Variants in DNAH8 observed in about 807,000 individuals in gnomAD.
The protein encoded by DNAH8 is axonemal beta dynein heavy chain 8.
DNAH8 carries 382 observed loss-of-function variants against 562.1 expected under a neutral mutation model. The ratio of observed to expected loss-of-function variants is 0.68; its 90% CI spans 0.63 to 0.74. The LOEUF is 0.74. Ranked by LOEUF, DNAH8 falls within the 30% of genes least tolerant of loss-of-function variation. The pLI is 0.00. For missense variants in DNAH8, 5,203 were observed against 5,620.4 expected (o/e 0.93, Z 2.37); for synonymous variants, 1,881 against 1,919.4 (o/e 0.98, Z 0.52).
intron 56 of DNAH8, among the ~76,000 whole-genome samples, chr6:38,885,914 T>C (rs971590112): frequency 1.3e-5 from 2 of 152,200 alleles, no homozygotes; most frequent in Non-Finnish European, 2.9e-5. Context: ...AATGTGTGCT[T>C]CATGAGGACA....
chr6:38,885,375 C>T (rs115015490), intron 56 of DNAH8, among the ~76,000 whole-genome samples: 2,331 of 152,248 alleles, frequency 0.015, 32 homozygotes, highest in Non-Finnish European at 0.024. Flanking sequence ...ACTGCTACCA[C>T]CTGGCGCCAC....
intron 79 of DNAH8, among the ~76,000 whole-genome samples, chr6:38,942,275 G>T (rs1378699741): frequency 6.6e-6 from 1 of 152,194 alleles, no homozygotes; most frequent in Non-Finnish European, 1.5e-5. Flanking sequence ...TGGTGAGCTG[G>T]CTTTGCTTCC....
At chr6:38,750,673 A>G in intron 9 of DNAH8, 84 bp downstream of exon 9, 1 of 831,920 alleles carries the variant, frequency 1.2e-6, no homozygotes, top group Non-Finnish European at 1.9e-6. Flanking sequence ...GCTGAGGTGG[A>G]AGGATCGCTT....
chr6:38,924,885 A>G (rs1311417947), intron 73 of DNAH8: 1 of 152,190 alleles, frequency 6.6e-6, no homozygotes, highest in Non-Finnish European at 1.5e-5. Context: ...TGGTGACCCT[A>G]AGTAATAGCA....
At chr6:38,773,403 T>G (rs892966824) in intron 12 of DNAH8, among the ~76,000 whole-genome samples, 1 of 152,212 alleles carries the variant, frequency 6.6e-6, no homozygotes, top group East Asian at 1.9e-4. Flanking sequence ...ATCTGTGAAA[T>G]AGCAGCCCAG....
At chr6:38,826,474 T>A in intron 29 of DNAH8, 83 bp downstream of exon 29, 1 of 851,730 alleles carries the variant, frequency 1.2e-6, no homozygotes, top group Non-Finnish European at 1.9e-6. Flanking sequence ...AGTGATTCTT[T>A]AACATATTCA....
At chr6:38,761,633 T>C (rs1330199797) in intron 10 of DNAH8, 69 bp from the exon 11 acceptor site, 1 of 932,672 alleles carries the variant, frequency 1.1e-6, no homozygotes, top group Non-Finnish European at 1.5e-6. Context: ...ATGCTTGTGG[T>C]TTGAAATTTA....
intron 92 of DNAH8, among the ~76,000 whole-genome samples, chr6:39,028,191 A>G (rs992350969): frequency 1.3e-5 from 2 of 152,340 alleles, no homozygotes; most frequent in South Asian, 4.1e-4. Context: ...AATACCTTCC[A>G]CATCTGTAGG....
intron 81 of DNAH8, 61 bp from the exon 82 acceptor site, chr6:38,951,257 T>A (rs750388814): frequency 1.4e-4 from 204 of 1,418,922 alleles, no homozygotes; most frequent in Non-Finnish European, 1.9e-4. Context: ...TTTTACTTAC[T>A]CAGATAGGAT....
chr6:38,860,640 C>T lies in DNAH8; in HGVS notation c.6131+11C>T. The T allele has an allele frequency of 6.8e-7, 1 of 1,477,516 alleles. No homozygotes were observed. Among genetic ancestry groups the T allele is most frequent in the Non-Finnish European group, 8.9e-7 (1 of 1,123,104 alleles). The allele number at this position is 1,477,516 out of a possible 1,614,324, so 91.5% of individuals were successfully genotyped here. On this transcript the variant is annotated intron_variant, in intron 43 of 92. Transcript: ENST00000327475. ...TCCATTAACAGATAGGTAGGAAACC[C>T]AGTTTTCGTTTTTTATTTTGTAATT... is the stretch of plus-strand genomic sequence containing the variant.
chr6:38,845,788 TGAGA>T lies in DNAH8; in HGVS notation c.5045+22_5045+25del. 2 of 1,593,600 alleles carry T rather than the reference TGAGA, an allele frequency of 1.3e-6. No individual in the cohort carries two copies. The highest frequency in any genetic ancestry group is 1.7e-6 in the Non-Finnish European group (2 of 1,162,074). Reference sequence around the variant, plus strand: ...CTCAGCAACAGGTAATTTTATAATTTGAGAGAGAGATTTAAATGGGATATTTAGG... The same window carrying T: ...CTCAGCAACAGGTAATTTTATAATTTGAGAGATTTAAATGGGATATTTAGG... On this transcript the variant is annotated intron_variant, in intron 36 of 92. Coordinates refer to ENST00000327475, the MANE Select transcript of DNAH8 (RefSeq NM_001206927.2).
chr6:38,764,435 A>T, intron 11 of DNAH8: 1 of 152,464 alleles, frequency 6.6e-6, no homozygotes, highest in East Asian at 1.9e-4. Context: ...GGCAAAGAAA[A>T]TTGAGCCTCT....
At chr6:38,864,926 A>T (rs1045309917) in intron 45 of DNAH8, among the ~76,000 whole-genome samples, 1 of 152,162 alleles carries the variant, frequency 6.6e-6, no homozygotes, top group Non-Finnish European at 1.5e-5. Context: ...CTTAACCTCC[A>T]CACTTGGTTT....
Position 38,783,727 on chromosome 6 carries a change from A to G in DNAH8, c.2395+588A>G, listed in dbSNP as rs949224697. On this transcript the variant is annotated intron_variant, in intron 17 of 92. Coordinates refer to ENST00000327475, the MANE Select transcript of DNAH8 (RefSeq NM_001206927.2). ...CTTAGCCATTATCCAGCCCTCCTGG[A>G]TGTTGTTTTTGTGTGGGCTCAATGG... Among the ~76,000 whole-genome samples, 5 of 152,102 alleles carry G rather than the reference A, an allele frequency of 3.3e-5. No individual in the cohort carries two copies. In the South Asian group the frequency reaches 6.2e-4, roughly 19 times the overall value.
At chr6:38,932,048 A>G in intron 76 of DNAH8, 55 bp downstream of exon 76, 6 of 1,285,420 alleles carry the variant, frequency 4.7e-6, no homozygotes, top group Non-Finnish European at 6.2e-6. Context: ...CTTAAAATGT[A>G]TTGAGAAATT....
intron 82 of DNAH8, among the ~76,000 whole-genome samples, chr6:38,969,087 T>C (rs907758683): frequency 6.6e-6 from 1 of 152,034 alleles, no homozygotes; most frequent in Admixed American, 6.6e-5. Flanking sequence ...ACAAAGTAGA[T>C]TGGTGATTGC....
In DNAH8 at chr6:38,870,503, C is replaced by T. The variant is rs370226425; in HGVS notation, c.6931C>T (p.His2311Tyr). 1.9e-5 allele frequency: 30 copies of T among 1,613,932 alleles called. No individual in the cohort carries two copies. Among genetic ancestry groups the T allele is most frequent in the Middle Eastern group, 3.3e-4 (2 of 6,084 alleles). Reference sequence around the variant, plus strand: ...TGCAGAACTGCAAAACGCAGTAGCCCATCAGGTTCAGATAGAGGGTTTGAT... The same window carrying T: ...TGCAGAACTGCAAAACGCAGTAGCCTATCAGGTTCAGATAGAGGGTTTGAT... ...TYAELQNAVA[H>Y]QVQIEGLINH... Residue 2311 changes from histidine (H) to tyrosine (Y), a missense_variant, in exon 49 of 93, where the codon CAT (histidine) becomes TAT (tyrosine). Physicochemically the swap from His to Tyr is moderately conservative, Grantham distance 83. This residue lies in a region of DNAH8 where 2,176 missense variants were observed against 2,365.1 expected (regional missense o/e 0.92). Transcript: ENST00000327475.
chr6:38,847,788 T>A (rs1454103831), intron 36 of DNAH8, among the ~76,000 whole-genome samples: 1 of 152,114 alleles, frequency 6.6e-6, no homozygotes, highest in Non-Finnish European at 1.5e-5. Context: ...TAACTGTAGG[T>A]AGTTGGGGTT....
chr6:38,867,993 A>G, intron 47 of DNAH8, 69 bp from the exon 48 acceptor site: 1 of 1,507,980 alleles, frequency 6.6e-7, no homozygotes, highest in Non-Finnish European at 9.0e-7. Context: ...CTATATGCAT[A>G]GAGTGAGCCG....
Sources: allele counts gnomAD v4.1 joint callset (sites outside exome capture counted in the v4.1 genomes callset), GRCh38; gene constraint gnomAD v4.1.1; regional missense constraint gnomAD v4.1.1; transcripts MANE v1.5; gene names NCBI Gene and HGNC (gene_info 2026-07-23, HGNC 2026-07-21).